The following SH3GL3 variants were observed in gnomAD, a reference collection of about 807,000 sequenced individuals.
The protein encoded by SH3GL3 is endophilin-A3.
SH3GL3 carries 33 observed loss-of-function variants against 47.7 expected under a neutral mutation model. The ratio of observed to expected loss-of-function variants is 0.69; its 90% confidence interval spans 0.52 to 0.92. The LOEUF (loss-of-function observed/expected upper bound fraction) is 0.92. Among genes scored for constraint, SH3GL3 ranks in the 40% least tolerant of loss-of-function variants. The pLI is 0.00. For missense variants in SH3GL3, 363 were observed against 417.8 expected, an observed-to-expected ratio of 0.87 and a Z score of 1.14; for synonymous variants, 155 against 148.8, an observed-to-expected ratio of 1.04 and a Z score of -0.30.
intron 1 of SH3GL3, among the ~76,000 whole-genome samples, chr15:83,512,806 G>A (rs1486939137): frequency 6.6e-6 from 1 of 151,812 alleles, no homozygotes; most frequent in African/African-American, 2.4e-5. Context: ...CTCCCTATCA[G>A]CTTCCTCCGG....
chr15:83,629,283 A>G, the SH3GL3 span, among the ~76,000 whole-genome samples: 3 of 152,352 alleles, frequency 2.0e-5, no homozygotes, highest in Middle Eastern at 3.4e-3. Context: ...AGAGAAGAAC[A>G]AAGTTGGACA....
intron 1 of SH3GL3, among the ~76,000 whole-genome samples, chr15:83,470,335 C>T: frequency 6.6e-6 from 1 of 152,158 alleles, no homozygotes; most frequent in East Asian, 1.9e-4. Flanking sequence ...AGTGATTCTC[C>T]TGCCTCAGCC....
chr15:83,484,213 G>A (rs1297205418), intron 1 of SH3GL3, among the ~76,000 whole-genome samples: 1 of 152,000 alleles, frequency 6.6e-6, no homozygotes, highest in Non-Finnish European at 1.5e-5. Context: ...TCATCTTTTG[G>A]TGTAATACTA....
chr15:83,518,874 G>A (rs563111668), intron 1 of SH3GL3, among the ~76,000 whole-genome samples: 20 of 152,258 alleles, frequency 1.3e-4, no homozygotes, highest in African/African-American at 4.8e-4. Flanking sequence ...ATAGTTTGAG[G>A]TTTTATATTT....
At chr15:83,632,740 C>T in the SH3GL3 span, among the ~76,000 whole-genome samples, 1 of 152,142 alleles carries the variant, frequency 6.6e-6, no homozygotes, top group Non-Finnish European at 1.5e-5. Context: ...AATTACCTCC[C>T]ACTGGGTCCC....
At chr15:83,503,400 A>G (rs1476929040) in intron 1 of SH3GL3, among the ~76,000 whole-genome samples, 1 of 152,188 alleles carries the variant, frequency 6.6e-6, no homozygotes, top group African/African-American at 2.4e-5. Context: ...TAGAAGTTGT[A>G]TAATATGGAA....
intron 2 of SH3GL3, among the ~76,000 whole-genome samples, chr15:83,560,327 G>A (rs556313047): frequency 2.6e-5 from 4 of 152,134 alleles, no homozygotes; most frequent in Non-Finnish European, 5.9e-5. Flanking sequence ...CTGTTTTCTG[G>A]ATGAGAACTA....
At chr15:83,547,379 A>G (rs1856292978) in intron 1 of SH3GL3, among the ~76,000 whole-genome samples, 1 of 152,112 alleles carries the variant, frequency 6.6e-6, no homozygotes, top group African/African-American at 2.4e-5. Context: ...AAATTCCCCA[A>G]ATTACTTTGC....
At chr15:83,493,196 G>A (rs894138262) in intron 1 of SH3GL3, among the ~76,000 whole-genome samples, 1 of 152,040 alleles carries the variant, frequency 6.6e-6, no homozygotes, top group African/African-American at 2.4e-5. Context: ...GAGATGATAC[G>A]ATGTCTGTGG....
In SH3GL3 at chr15:83,447,437, G is replaced by C. The variant is rs540132599; in HGVS notation, c.-97G>C. The C allele has an allele frequency of 4.6e-6, 5 of 1,082,502 alleles. No individual in the cohort carries two copies. In the South Asian group the frequency reaches 1.2e-4, roughly 26 times the overall value. 67.1% of individuals were successfully genotyped at this position (1,082,502 alleles called of 1,614,324 possible). On this transcript the variant is annotated 5_prime_UTR_variant, in exon 1 of 9. Transcript: ENST00000427482. The surrounding 1 kb of genome is among the most constrained non-coding windows in gnomAD (Gnocchi z 5.1). ...GGCGGGCCCGGCGGAGCCCAGCCGC[G>C]GGGGGACCGGCCCGGGCTCCCGCTC...
At chr15:83,471,216 A>G (rs919136810) in intron 1 of SH3GL3, among the ~76,000 whole-genome samples, 1 of 152,084 alleles carries the variant, frequency 6.6e-6, no homozygotes, top group Non-Finnish European at 1.5e-5. Flanking sequence ...TCATCTGAGG[A>G]TATCTTGATT....
chr15:83,619,871 G>A (rs1272968812), downstream of SH3GL3, among the ~76,000 whole-genome samples: 1 of 152,162 alleles, frequency 6.6e-6, no homozygotes, highest in African/African-American at 2.4e-5. Flanking sequence ...TCTGTCACAT[G>A]CAATGCTGCT....
At chr15:83,475,980 G>A (rs1387666357) in intron 1 of SH3GL3, among the ~76,000 whole-genome samples, 2 of 152,056 alleles carry the variant, frequency 1.3e-5, no homozygotes, top group East Asian at 1.9e-4. Flanking sequence ...CAACCATTAC[G>A]TGAGTATTGA....
intron 1 of SH3GL3, among the ~76,000 whole-genome samples, chr15:83,461,288 T>G (rs964855282): frequency 3.3e-5 from 5 of 152,154 alleles, no homozygotes; most frequent in African/African-American, 1.2e-4. Context: ...TTCTGATAAC[T>G]TAAAAATCAA....
chr15:83,552,285 A>G (rs1268914646), intron 1 of SH3GL3, among the ~76,000 whole-genome samples: 1 of 152,224 alleles, frequency 6.6e-6, no homozygotes, highest in African/African-American at 2.4e-5. Flanking sequence ...AAATGTATTT[A>G]AGGTTATACA....
At chr15:83,528,727 T>G (rs1179941006) in intron 1 of SH3GL3, among the ~76,000 whole-genome samples, 3 of 152,344 alleles carry the variant, frequency 2.0e-5, no homozygotes, top group African/African-American at 7.2e-5. Flanking sequence ...ATCTTTGTAT[T>G]GTTTATCTGT....
chr15:83,464,480 C>T (rs1305897117), intron 1 of SH3GL3, among the ~76,000 whole-genome samples: 3 of 152,186 alleles, frequency 2.0e-5, no homozygotes, highest in Non-Finnish European at 2.9e-5. Context: ...CTCCTGGATA[C>T]AGACACACAA....
chr15:83,489,883 A>ATAGG, intron 1 of SH3GL3, among the ~76,000 whole-genome samples: 1 of 145,698 alleles, frequency 6.9e-6, no homozygotes, highest in East Asian at 2.0e-4. Flanking sequence ...AGATAGATAG[A>ATAGG]TAGATAATAG....
intron 1 of SH3GL3, among the ~76,000 whole-genome samples, chr15:83,461,325 C>G (rs1195595427): frequency 6.6e-6 from 1 of 152,064 alleles, no homozygotes; most frequent in African/African-American, 2.4e-5. Context: ...TTCCAAAAGT[C>G]TAATTAAAAT....
Sources: gnomAD v4.1 joint callset for allele counts (sites outside exome capture counted in the v4.1 genomes callset) on GRCh38, gnomAD v4.1.1 for gene constraint, Gnocchi (gnomAD v3.1) non-coding constraint, MANE v1.5 for transcripts, NCBI Gene and HGNC (gene_info 2026-07-23, HGNC 2026-07-21) for gene names.